The following PPP2R3A variants were observed in gnomAD, a reference collection of about 807,000 sequenced individuals.
PPP2R3A encodes serine/threonine-protein phosphatase 2A regulatory subunit B'' subunit alpha.
In PPP2R3A, 80 loss-of-function variants were observed where a neutral mutation model predicts 106.9. That is an observed-to-expected ratio of 0.75 (90% CI 0.62 to 0.90). PPP2R3A has a LOEUF of 0.90. Ranked by LOEUF, PPP2R3A falls within the 40% of genes least tolerant of loss-of-function variation. The pLI is 0.00. For missense variants in PPP2R3A, 1,386 were observed against 1,350.4 expected (o/e 1.03, Z -0.41); for synonymous variants, 483 against 468.3 (o/e 1.03, Z -0.41).
At chr3:136,130,436 G>A (rs1938367412) in intron 13 of PPP2R3A, among the ~76,000 whole-genome samples, 1 of 152,044 alleles carries the variant, frequency 6.6e-6, no homozygotes, top group Non-Finnish European at 1.5e-5. Flanking sequence ...AAAATACCTA[G>A]GAATCCCACT....
chr3:136,030,778 A>ATATATATATATATGTATGTATG (rs1206335696), intron 3 of PPP2R3A, among the ~76,000 whole-genome samples: 8 of 111,260 alleles, frequency 7.2e-5, no homozygotes, highest in Middle Eastern at 3.7e-3. Context: ...ATATATATAT[A>ATATATATATATATGTATGTATG]TATGTATGTA....
At position 136,134,439 on chromosome 3, in the gene PPP2R3A, A is replaced by G. The variant is rs548498887; in HGVS notation, c.3330-10604A>G. On this transcript the variant is annotated intron_variant, in intron 13 of 13. Coordinates refer to ENST00000264977, the MANE Select transcript of PPP2R3A (RefSeq NM_002718.5). ...CACAGGTAATTCTAAAATAAATTCA[A>G]AGCAACACAAATGTTCAATATAGAA... Among the ~76,000 whole-genome samples the G allele has an allele frequency of 5.6e-4, 86 of 152,374 alleles. 1 individual carries two copies. The highest frequency in any genetic ancestry group is 1.9e-3 in the African/African-American group (80 of 41,592).
At chr3:136,055,326 T>C in intron 5 of PPP2R3A, 1 of 927,034 alleles carries the variant, frequency 1.1e-6, no homozygotes, top group Admixed American at 1.7e-5. Flanking sequence ...TTTACATTGC[T>C]CAATTTTTTG....
intron 2 of PPP2R3A, among the ~76,000 whole-genome samples, chr3:136,021,638 A>G (rs916860884): frequency 5.9e-5 from 9 of 152,082 alleles, no homozygotes; most frequent in African/African-American, 9.7e-5. Context: ...TTTGGTGTAT[A>G]TTTTCTAGAC....
chr3:135,986,996 A>C (rs1331089655), intron 1 of PPP2R3A, among the ~76,000 whole-genome samples: 1 of 152,106 alleles, frequency 6.6e-6, no homozygotes, highest in East Asian at 1.9e-4. Flanking sequence ...TTCTTCCCCC[A>C]TAATTCCAAT....
At chr3:136,050,065 G>A (rs1935629526) in intron 5 of PPP2R3A, among the ~76,000 whole-genome samples, 1 of 152,152 alleles carries the variant, frequency 6.6e-6, no homozygotes, top group African/African-American at 2.4e-5. Context: ...TTAGGATAAT[G>A]GCAGTAGTCC....
Position 136,002,689 on chromosome 3 carries a change from A to G in PPP2R3A, c.1191A>G (p.Ser397=), listed in dbSNP as rs778982320. ...AAGCTGTCCAGGTCCAATCACAGTC[A>G]TTAACCATGAATCCTTTAGAAAATG... ...TLKAVQVQSQ[S]LTMNPLENVS... is the part of the protein sequence containing the mutation. The change falls in exon 2 of 14, where the codon TCA becomes TCG. Residue 397 remains serine (S), a synonymous_variant. Coordinates refer to ENST00000264977, the MANE Select transcript of PPP2R3A (RefSeq NM_002718.5). 21 of 1,613,376 alleles carry G rather than the reference A, an allele frequency of 1.3e-5. No homozygotes were observed. Among genetic ancestry groups the G allele is most frequent in the Non-Finnish European group, 1.8e-5 (21 of 1,179,474 alleles).
At chr3:136,021,966 CTT>C (rs981250731) in intron 2 of PPP2R3A, among the ~76,000 whole-genome samples, 1 of 152,052 alleles carries the variant, frequency 6.6e-6, no homozygotes, top group Non-Finnish European at 1.5e-5. Flanking sequence ...ATGTAAGAGA[CTT>C]GAGCAGCTGT....
chr3:136,030,627 A>G (rs1319425845), intron 3 of PPP2R3A, among the ~76,000 whole-genome samples: 2 of 151,988 alleles, frequency 1.3e-5, no homozygotes, highest in South Asian at 2.1e-4. Flanking sequence ...CTTAGCTCCC[A>G]CTTATGAGTG....
chr3:136,040,729 C>A (rs1350016539), intron 3 of PPP2R3A, 130 bp from the exon 4 acceptor site: 1 of 570,340 alleles, frequency 1.8e-6, no homozygotes, highest in Non-Finnish European at 2.9e-6. Flanking sequence ...TCCTATGCTC[C>A]AGTTTTGTTC....
chr3:136,054,943 A>G (rs1935812464), intron 5 of PPP2R3A, among the ~76,000 whole-genome samples: 1 of 152,236 alleles, frequency 6.6e-6, no homozygotes, highest in Admixed American at 6.5e-5. Flanking sequence ...GAGTTCTCTG[A>G]GTTTTTTATC....
rs113756691 is a variant in PPP2R3A, at chr3:136,034,084, G to A, written c.2263-6775G>A. 1.3e-4 allele frequency among the ~76,000 whole-genome samples: 20 copies of A among 148,436 alleles called. 1 individual carries two copies. Among genetic ancestry groups the A allele is most frequent in the African/African-American group, 3.7e-4 (15 of 40,238 alleles). ...CAGAATCTCTCTCTGTTGCCAGGCCGGAGTGCAGTGGCGTGATCTTGGCTC... is the reference window on the plus strand; with the variant it reads ...CAGAATCTCTCTCTGTTGCCAGGCCAGAGTGCAGTGGCGTGATCTTGGCTC... On this transcript the variant is annotated intron_variant, in intron 3 of 13. Coordinates refer to ENST00000264977, the MANE Select transcript of PPP2R3A (RefSeq NM_002718.5).
intron 1 of PPP2R3A, among the ~76,000 whole-genome samples, chr3:135,995,227 C>T (rs913703163): frequency 2.0e-5 from 3 of 152,074 alleles, no homozygotes; most frequent in African/African-American, 7.2e-5. Flanking sequence ...ACATTCAGAA[C>T]AATTATGATT....
chr3:135,990,417 T>C (rs1297723322), intron 1 of PPP2R3A, among the ~76,000 whole-genome samples: 1 of 152,168 alleles, frequency 6.6e-6, no homozygotes, highest in African/African-American at 2.4e-5. Context: ...GCTCAATAAA[T>C]ACCTCTTAAA....
rs1428059353 is a variant in PPP2R3A, at chr3:136,146,713, TA to T, written c.*1552del. The T allele has an allele frequency of 2.6e-5, 4 of 152,156 alleles. No individual in the cohort carries two copies. Among genetic ancestry groups the T allele is most frequent in the African/African-American group, 9.7e-5 (4 of 41,442 alleles). 9.4% of individuals were successfully genotyped at this position (152,156 alleles called of 1,614,324 possible). On this transcript the variant is annotated 3_prime_UTR_variant, in exon 14 of 14. Coordinates refer to ENST00000264977, the MANE Select transcript of PPP2R3A (RefSeq NM_002718.5). ...AGTTCACACAAAAGAATTAAAAGCT[TA>T]AAAATAATTTTTAGGAAACACAATA...
intron 3 of PPP2R3A, among the ~76,000 whole-genome samples, chr3:136,030,820 A>ATG (rs537274259): frequency 1.4e-5 from 2 of 143,940 alleles, no homozygotes; most frequent in East Asian, 2.0e-4. Context: ...GTATGTATGT[A>ATG]TGTATACACA....
In PPP2R3A at chr3:136,026,690, A is replaced by T. The variant is rs115031813; in HGVS notation, c.1996-142A>T. On this transcript the variant is annotated intron_variant, in intron 2 of 13. Transcript: ENST00000264977. ...TAGTGCAGATAAGCATTCCCTAGAA[A>T]CATGCTTACCACCTTTAAGAGTACA... is the stretch of plus-strand genomic sequence containing the variant. 7.6e-6 allele frequency: 5 copies of T among 656,080 alleles called. No individual in the cohort carries two copies. The East Asian group carries it at 8.6e-5, about 11-fold the overall frequency. 40.6% of individuals were successfully genotyped at this position (656,080 alleles called of 1,614,324 possible).
intron 1 of PPP2R3A, among the ~76,000 whole-genome samples, chr3:135,987,641 A>G (rs541851011): frequency 1.3e-5 from 2 of 152,260 alleles, no homozygotes; most frequent in South Asian, 4.1e-4. Flanking sequence ...TTGCAGAAAC[A>G]TAAGAGACCT....
At chr3:136,140,389 G>C (rs376026248) in intron 13 of PPP2R3A, among the ~76,000 whole-genome samples, 8 of 149,192 alleles carry the variant, frequency 5.4e-5, no homozygotes, top group African/African-American at 1.7e-4. Flanking sequence ...CTAGGAGTTT[G>C]AGGCTAAGAT....
Sources: allele counts gnomAD v4.1 joint callset (sites outside exome capture counted in the v4.1 genomes callset), GRCh38; gene constraint gnomAD v4.1.1; transcripts MANE v1.5; gene names NCBI Gene and HGNC (gene_info 2026-07-23, HGNC 2026-07-21).